CCDC178: variants seen among roughly 807,000 people sequenced by gnomAD.
CCDC178 encodes coiled-coil domain containing 178, also known as coiled-coil domain-containing protein 178.
Under a neutral mutation model 117.4 loss-of-function variants are expected in CCDC178, and 126 were observed. The ratio of observed to expected loss-of-function variants is 1.07; its 90% CI spans 0.93 to 1.24. The LOEUF is 1.24. CCDC178 is among the 50% of genes most tolerant of loss of function. The probability of loss-of-function intolerance (pLI) is 0.00; values close to 1 mark genes in which losing one functional copy is unlikely to be tolerated. For synonymous variants in CCDC178, 283 were observed against 313.4 expected (o/e 0.90, Z 1.02); for missense variants, 1,030 against 986.9 (o/e 1.04, Z -0.59).
chr18:33,385,622 TA>T (rs1407698658), intron 5 of CCDC178, among the ~76,000 whole-genome samples: 1 of 152,104 alleles, frequency 6.6e-6, no homozygotes, highest in East Asian at 1.9e-4. Flanking sequence ...CCGGAGTAAA[TA>T]ATGAAATTAA....
chr18:33,285,274 A>C (rs1179114785), intron 12 of CCDC178, among the ~76,000 whole-genome samples: 1 of 152,306 alleles, frequency 6.6e-6, no homozygotes, highest in East Asian at 1.9e-4. Flanking sequence ...ATTAAACATT[A>C]ACCTCAGGAA....
At chr18:33,409,710 T>C (rs2063825046) in intron 3 of CCDC178, among the ~76,000 whole-genome samples, 1 of 152,182 alleles carries the variant, frequency 6.6e-6, no homozygotes. Flanking sequence ...TAGCTGTATG[T>C]TGTTTATAAT....
chr18:33,067,770 T>TG (rs1279429720), intron 21 of CCDC178, among the ~76,000 whole-genome samples: 3 of 151,848 alleles, frequency 2.0e-5, no homozygotes, highest in African/African-American at 7.3e-5. Flanking sequence ...AGGCAGAGGT[T>TG]GCAGAGAGCT....
intron 2 of CCDC178, among the ~76,000 whole-genome samples, chr18:33,423,555 A>C (rs953618230): frequency 6.6e-6 from 1 of 152,106 alleles, no homozygotes; most frequent in African/African-American, 2.4e-5. Context: ...TTTTGTTTTA[A>C]GGATTCTTGT....
At chr18:33,248,192 T>C (rs1352880400) in intron 14 of CCDC178, among the ~76,000 whole-genome samples, 2 of 151,932 alleles carry the variant, frequency 1.3e-5, no homozygotes, top group African/African-American at 4.8e-5. Flanking sequence ...TATAGTTCCA[T>C]ACATTGCCAA....
At chr18:33,371,125 T>C (rs2063292191) in intron 5 of CCDC178, among the ~76,000 whole-genome samples, 1 of 152,036 alleles carries the variant, frequency 6.6e-6, no homozygotes, top group South Asian at 2.1e-4. Flanking sequence ...TTTTGGTATC[T>C]TCATTTAAAC....
chr18:33,262,999 T>C (rs778410167), intron 14 of CCDC178, among the ~76,000 whole-genome samples: 5 of 152,182 alleles, frequency 3.3e-5, no homozygotes, highest in Non-Finnish European at 5.9e-5. Flanking sequence ...CATTTCTTCC[T>C]TGGAAACACA....
rs9675820 is a variant in CCDC178, at chr18:32,987,889, A to G, written c.2389-13208T>C. Reference sequence around the variant, plus strand: ...GAGGCAGGTGGATCGCCTGAGGCCAAGAGTTTGAGACCAGCCTGGACAACA... The same window carrying G: ...GAGGCAGGTGGATCGCCTGAGGCCAGGAGTTTGAGACCAGCCTGGACAACA... On this transcript the variant is annotated intron_variant, in intron 21 of 22. Coordinates refer to ENST00000383096, the MANE Select transcript of CCDC178 (RefSeq NM_001105528.4). Among the ~76,000 whole-genome samples, 1,409 of 150,092 alleles carry G rather than the reference A, an allele frequency of 9.4e-3. 23 individuals carry two copies. Among genetic ancestry groups the G allele is most frequent in the African/African-American group, 0.033 (1,353 of 40,796 alleles).
chr18:33,401,984 CAAAT>C (rs1568203776), intron 3 of CCDC178, among the ~76,000 whole-genome samples: 1 of 151,944 alleles, frequency 6.6e-6, no homozygotes, highest in South Asian at 2.1e-4. Context: ...TAATAATAAT[CAAAT>C]AAAATCTGGT....
At chr18:33,292,723 CGAA>C (rs2060183458) in intron 12 of CCDC178, among the ~76,000 whole-genome samples, 1 of 151,992 alleles carries the variant, frequency 6.6e-6, no homozygotes, top group Non-Finnish European at 1.5e-5. Context: ...AAACAGAAAC[CGAA>C]GAAGTTTTTG....
intron 2 of CCDC178, among the ~76,000 whole-genome samples, chr18:33,437,000 T>C (rs2064301304): frequency 6.6e-6 from 1 of 152,212 alleles, no homozygotes; most frequent in Admixed American, 6.5e-5. Context: ...TGTGTTATGC[T>C]ATATCCTTTG....
chr18:33,417,565 A>ACACACACAC (rs1426041347), intron 2 of CCDC178, among the ~76,000 whole-genome samples: 1 of 124,844 alleles, frequency 8.0e-6, no homozygotes, highest in African/African-American at 2.7e-5. Context: ...CACACACACA[A>ACACACACAC]ATAACTGCAA....
intron 20 of CCDC178, among the ~76,000 whole-genome samples, chr18:33,119,694 C>T (rs1246456848): frequency 6.6e-6 from 1 of 152,224 alleles, no homozygotes; most frequent in African/African-American, 2.4e-5. Flanking sequence ...GGTATATACC[C>T]AAAGGATTAT....
chr18:33,083,180 A>T (rs531792020), intron 21 of CCDC178, among the ~76,000 whole-genome samples: 22 of 152,200 alleles, frequency 1.4e-4, no homozygotes, highest in Non-Finnish European at 2.9e-4. Context: ...ACAGATCAGG[A>T]ACCACAGGCT....
intron 21 of CCDC178, among the ~76,000 whole-genome samples, chr18:32,991,721 A>G (rs2055398262): frequency 6.6e-6 from 1 of 152,110 alleles, no homozygotes; most frequent in Non-Finnish European, 1.5e-5. Context: ...GCAGAGGTGT[A>G]TTCTGATACC....
chr18:33,108,289 A>G (rs1465172897), intron 20 of CCDC178, among the ~76,000 whole-genome samples: 1 of 147,264 alleles, frequency 6.8e-6, no homozygotes. Context: ...TCATGTTTTT[A>G]TATGTTTTTC....
intron 20 of CCDC178, among the ~76,000 whole-genome samples, chr18:33,130,078 T>C (rs762609011): frequency 5.9e-5 from 9 of 151,940 alleles, no homozygotes; most frequent in Non-Finnish European, 1.2e-4. Flanking sequence ...TATAACTTGA[T>C]AGCATAGCTA....
At chr18:33,181,311 G>A (rs1437218545) in intron 20 of CCDC178, among the ~76,000 whole-genome samples, 2 of 151,922 alleles carry the variant, frequency 1.3e-5, no homozygotes, top group African/African-American at 4.8e-5. Context: ...GTGCTCAGCT[G>A]TGAACCACTC....
At chr18:33,001,721 A>G (rs897963689) in intron 21 of CCDC178, among the ~76,000 whole-genome samples, 2 of 152,140 alleles carry the variant, frequency 1.3e-5, no homozygotes, top group African/African-American at 4.8e-5. Flanking sequence ...CTCTCCAGTC[A>G]AAAGACATAG....
Sources: allele counts gnomAD v4.1 joint callset (sites outside exome capture counted in the v4.1 genomes callset), GRCh38; gene constraint gnomAD v4.1.1; transcripts MANE v1.5; gene names NCBI Gene and HGNC (gene_info 2026-07-23, HGNC 2026-07-21).